The following GLT6D1 variants were observed in gnomAD, a reference collection of about 807,000 sequenced individuals.
The protein encoded by GLT6D1 is putative glycosyltransferase 6 domain-containing protein 1.
GLT6D1 carries 9 observed loss-of-function variants against 12.3 expected under a neutral mutation model. The ratio of observed to expected loss-of-function variants is 0.73; its 90% CI spans 0.44 to 1.27. GLT6D1 has a LOEUF of 1.27. GLT6D1 is among the 50% of genes most tolerant of loss of function. GLT6D1 has a pLI of 0.00. For missense variants in GLT6D1, 335 were observed against 346.2 expected (o/e 0.97, Z 0.26); for synonymous variants, 128 against 132.3 (o/e 0.97, Z 0.23).
intron 3 of GLT6D1, among the ~76,000 whole-genome samples, chr9:135,628,566 G>C (rs1285971866): frequency 1.3e-5 from 2 of 151,954 alleles, no homozygotes; most frequent in South Asian, 2.1e-4. Context: ...TGATACCTTT[G>C]TCTGGTTTTG....
At chr9:135,631,392 T>C in intron 3 of GLT6D1, 39 bp downstream of exon 3, 1 of 1,495,384 alleles carries the variant, frequency 6.7e-7, no homozygotes, top group African/African-American at 1.4e-5. Flanking sequence ...TGAAGTATAT[T>C]GTTTGTGTGT....
In GLT6D1 at chr9:135,626,189, A is replaced by G. The variant is rs778019494; in HGVS notation, c.137T>C (p.Ile46Thr). Reference protein sequence around the residue: ...WFHPRKRPDVITKTDWLAPVL... With the variant: ...WFHPRKRPDVTTKTDWLAPVL... ...AGGAGCGAGCCAGTCTGTTTTCGTT[A>G]TAACATCAGGGCGTTTTCTGTGGAA... The change falls in exon 4 of 5, where the codon ATA (isoleucine) becomes ACA (threonine). Residue 46 changes from isoleucine to threonine, a missense_variant. By Grantham distance (89) the Ile-to-Thr change is moderately conservative (BLOSUM62 -1). Transcript: ENST00000371763. The G allele has an allele frequency of 1.4e-5, 22 of 1,613,750 alleles. No homozygotes were observed. In the South Asian group the frequency reaches 2.1e-4, roughly 15 times the overall value.
At chr9:135,640,933 C>T (rs1240923590), upstream of GLT6D1, among the ~76,000 whole-genome samples, 1 of 152,146 alleles carries the variant, frequency 6.6e-6, no homozygotes, top group Non-Finnish European at 1.5e-5. Context: ...AGGTTCTCTA[C>T]AGCAGTGTGC....
upstream of GLT6D1, among the ~76,000 whole-genome samples, chr9:135,640,090 A>G (rs976617908): frequency 3.3e-5 from 5 of 152,064 alleles, no homozygotes; most frequent in Non-Finnish European, 7.4e-5. Context: ...TTCAATTTTG[A>G]ACACTCATTT....
At position 135,624,216 on chromosome 9, in the gene GLT6D1, T is replaced by C; in HGVS notation, c.712A>G (p.Asn238Asp). The change falls in exon 5 of 5, where the codon AAT (asparagine) becomes GAT (aspartate). Residue 238 changes from asparagine to aspartate, a missense_variant. Physicochemically the swap from Asn to Asp is conservative, Grantham distance 23. Coordinates refer to ENST00000371763, the MANE Select transcript of GLT6D1 (RefSeq NM_182974.3). ...TATTCTTTGATGAAGTCTAAAATAT[T>C]ATGGGGTGTGCCACCAACCATCAAG... ...GNLMVGGTPHNILDFIKEYLN... is the reference protein window; with the variant it reads ...GNLMVGGTPHDILDFIKEYLN... 1 of 1,609,942 alleles carries C rather than the reference T, an allele frequency of 6.2e-7. No individual in the cohort carries two copies. The highest frequency in any genetic ancestry group is 2.2e-5 in the East Asian group (1 of 44,870).
At chr9:135,629,141 G>T (rs11103108) in intron 3 of GLT6D1, among the ~76,000 whole-genome samples, 162 of 151,718 alleles carry the variant, frequency 1.1e-3, no homozygotes, top group African/African-American at 3.7e-3. Flanking sequence ...ATTTTCCTTA[G>T]TGTATAAAGT....
At chr9:135,639,039 AAATT>A (rs1324231205) in intron 2 of GLT6D1, 74 bp downstream of exon 2, 2 of 801,428 alleles carry the variant, frequency 2.5e-6, no homozygotes, top group African/African-American at 3.5e-5. Flanking sequence ...CTCAAAAATT[AAATT>A]AATTAATTTA....
chr9:135,625,329 C>T (rs1833483006), intron 4 of GLT6D1, among the ~76,000 whole-genome samples: 1 of 152,190 alleles, frequency 6.6e-6, no homozygotes, highest in Non-Finnish European at 1.5e-5. Flanking sequence ...AAACCCAGCA[C>T]ACCTTTTGTA....
upstream of GLT6D1, among the ~76,000 whole-genome samples, chr9:135,640,447 G>A (rs1312840871): frequency 5.3e-5 from 8 of 152,180 alleles, no homozygotes; most frequent in East Asian, 1.9e-4. Context: ...CAGGCTGGGC[G>A]TGGTGGCTCA....
chr9:135,634,959 C>T (rs1833739188), intron 2 of GLT6D1, among the ~76,000 whole-genome samples: 1 of 152,178 alleles, frequency 6.6e-6, no homozygotes, highest in Non-Finnish European at 1.5e-5. Flanking sequence ...GAAAGCGCTG[C>T]GCGCAACCCA....
At chr9:135,632,049 C>T (rs1042238320) in intron 2 of GLT6D1, among the ~76,000 whole-genome samples, 3 of 151,880 alleles carry the variant, frequency 2.0e-5, no homozygotes, top group South Asian at 2.1e-4. Context: ...TTCAACACTG[C>T]GTTCTTCTAG....
chr9:135,639,043 T>A (rs1368341739), intron 2 of GLT6D1, 74 bp downstream of exon 2: 1 of 808,016 alleles, frequency 1.2e-6, no homozygotes, highest in Admixed American at 2.7e-5. Context: ...AAAATTAAAT[T>A]AATTAATTTA....
rs768446480 is a variant in GLT6D1 at position 135,624,536 on chromosome 9, G to A, written c.392C>T (p.Thr131Met). The A allele has an allele frequency of 5.0e-6, 8 of 1,613,870 alleles. 1 individual carries two copies. The highest frequency in any genetic ancestry group is 3.3e-4 in the Middle Eastern group (2 of 6,084). ...LPDIEPSPLR[T>M]FKAFKVGTER... The stretch of plus-strand genomic sequence containing the variant: ...GGTGCCCACTTTAAATGCTTTGAAC[G>A]TTCGAAGAGGACTGGGCTCTATGTC... Residue 131 changes from threonine (T) to methionine (M), a missense_variant, in exon 5 of 5, where the codon ACG becomes ATG. Physicochemically the swap from Thr to Met is moderately conservative, Grantham distance 81. Coordinates refer to ENST00000371763, the MANE Select transcript of GLT6D1 (RefSeq NM_182974.3).
intron 3 of GLT6D1, among the ~76,000 whole-genome samples, chr9:135,630,682 G>C (rs1308170309): frequency 4.7e-5 from 7 of 150,304 alleles, no homozygotes; most frequent in Non-Finnish European, 1.5e-5. Flanking sequence ...TCACACCATT[G>C]CACTCCAGCC....
chr9:135,630,369 C>T (rs6537906), intron 3 of GLT6D1, among the ~76,000 whole-genome samples: 144,699 of 148,708 alleles, frequency 0.97, 70,530 homozygotes, highest in South Asian at 1. Context: ...TCACGCCATG[C>T]ACCCCAGCCT....
intron 2 of GLT6D1, among the ~76,000 whole-genome samples, chr9:135,636,117 G>A (rs1240286780): frequency 6.6e-6 from 1 of 152,168 alleles, no homozygotes; most frequent in African/African-American, 2.4e-5. Flanking sequence ...AATTTTGGGA[G>A]GCTGTGGCAG....
At chr9:135,639,087 G>A (rs1833840330) in intron 2 of GLT6D1, 30 bp downstream of exon 2, 1 of 1,236,162 alleles carries the variant, frequency 8.1e-7, no homozygotes, top group East Asian at 2.3e-5. Flanking sequence ...AATCACTAAA[G>A]ATCATGATTT....
chr9:135,625,729 G>A (rs1312375500), intron 4 of GLT6D1, among the ~76,000 whole-genome samples: 5 of 152,148 alleles, frequency 3.3e-5, no homozygotes, highest in African/African-American at 1.2e-4. Context: ...AATAGGCGAC[G>A]TCTGGGAAGA....
At chr9:135,630,406 G>GA (rs71384006) in intron 3 of GLT6D1, among the ~76,000 whole-genome samples, 51 of 129,366 alleles carry the variant, frequency 3.9e-4, no homozygotes, top group African/African-American at 4.4e-4. Context: ...CTCTGTCTCA[G>GA]AAAAAAAAAA....
Sources: gnomAD v4.1 joint callset for allele counts (sites outside exome capture counted in the v4.1 genomes callset) on GRCh38, gnomAD v4.1.1 for gene constraint, MANE v1.5 for transcripts, NCBI Gene and HGNC (gene_info 2026-07-23, HGNC 2026-07-21) for gene names.